The following RERE variants were observed in gnomAD, a reference collection of about 807,000 sequenced individuals.
RERE encodes the protein arginine-glutamic acid dipeptide repeats.
A neutral mutation model predicts 146.1 loss-of-function variants in RERE; 40 were observed. The ratio of observed to expected loss-of-function variants is 0.27; its 90% CI spans 0.21 to 0.36. The LOEUF (loss-of-function observed/expected upper bound fraction) is 0.36. Ranked by LOEUF, RERE falls within the 10% of genes least tolerant of loss-of-function variation. The pLI is 1.00. For synonymous variants in RERE, 1,003 were observed against 866.0 expected (o/e 1.16, Z -2.78); for missense variants, 1,933 against 2,138.7 (o/e 0.90, Z 1.90).
intron 1 of RERE, among the ~76,000 whole-genome samples, chr1:8,684,116 T>C (rs543417275): frequency 1.3e-5 from 2 of 152,306 alleles, no homozygotes; most frequent in East Asian, 1.9e-4. Context: ...CCTTAAATGA[T>C]TGCATTAAAA....
intron 4 of RERE, among the ~76,000 whole-genome samples, chr1:8,565,198 A>G (rs957077331): frequency 6.6e-6 from 1 of 152,050 alleles, no homozygotes; most frequent in Non-Finnish European, 1.5e-5. Flanking sequence ...GTACATTTCA[A>G]AATTGGTAAG....
At position 8,501,033 on chromosome 1, in the gene RERE, G is replaced by GC. The variant is rs1465859732; in HGVS notation, c.880-3505_880-3504insG. On this transcript the variant is annotated intron_variant, in intron 8 of 22. Transcript: ENST00000400908. ...GCCCGGCAGCCACCCCGTCCGGGAGGGGGGGGGGGGGTCAGCCCCCCGCCC... is the reference window on the plus strand; with the variant it reads ...GCCCGGCAGCCACCCCGTCCGGGAGGCGGGGGGGGGGGTCAGCCCCCCGCCC... Among the ~76,000 whole-genome samples the GC allele has an allele frequency of 3.4e-5, 4 of 118,108 alleles. 1 individual carries two copies. Among genetic ancestry groups the GC allele is most frequent in the Non-Finnish European group, 5.2e-5 (3 of 57,522 alleles). The allele number at this position is 118,108 out of a possible 152,430, so 77.5% of individuals were successfully genotyped here.
chr1:8,722,376 A>G (rs1271665598), intron 1 of RERE, among the ~76,000 whole-genome samples: 20 of 152,208 alleles, frequency 1.3e-4, no homozygotes, highest in Admixed American at 1.3e-3. Flanking sequence ...AGCGATACTA[A>G]TATTTATTGA....
intron 1 of RERE, among the ~76,000 whole-genome samples, chr1:8,726,747 TA>T (rs1639976803): frequency 6.6e-6 from 1 of 152,244 alleles, no homozygotes; most frequent in African/African-American, 2.4e-5. Context: ...TAATTAATTC[TA>T]ATCATAAGAC....
chr1:8,703,704 G>C (rs1033655317), intron 1 of RERE, among the ~76,000 whole-genome samples: 5 of 152,208 alleles, frequency 3.3e-5, no homozygotes, highest in Non-Finnish European at 7.3e-5. Flanking sequence ...GCGCATCCCT[G>C]TGAGTGATCA....
intron 15 of RERE, chr1:8,363,841 C>T (rs1175741091): frequency 1.7e-6 from 1 of 587,854 alleles, no homozygotes; most frequent in African/African-American, 1.9e-5. Flanking sequence ...GCTACAAAAC[C>T]CAGAGCAGGA....
chr1:8,575,383 C>CTTT (rs57789307), intron 4 of RERE, among the ~76,000 whole-genome samples: 1 of 135,502 alleles, frequency 7.4e-6, no homozygotes, highest in African/African-American at 2.7e-5. Context: ...AAAAAGTAAC[C>CTTT]TTTTTTTTTT....
At chr1:8,739,851 T>G (rs1047983461) in intron 1 of RERE, among the ~76,000 whole-genome samples, 1 of 149,430 alleles carries the variant, frequency 6.7e-6, no homozygotes, top group African/African-American at 2.4e-5. Context: ...ATATATTAAT[T>G]AATTATATTA....
intron 7 of RERE, among the ~76,000 whole-genome samples, chr1:8,515,052 T>C (rs181878844): frequency 6.6e-6 from 1 of 152,316 alleles, no homozygotes; most frequent in Admixed American, 6.5e-5. Context: ...TCACAGAAAT[T>C]CAGGTGTCTT....
Position 8,618,754 on chromosome 1 carries a change from G to A in RERE, c.397-4068C>T, listed in dbSNP as rs140590305. On this transcript the variant is annotated intron_variant, in intron 3 of 22. Transcript: ENST00000400908. Reference sequence around the variant, plus strand: ...ATGATATCTCCCAGCATCATCTATGGTCCTAATAAGACATAATTACTCATC... The same window carrying A: ...ATGATATCTCCCAGCATCATCTATGATCCTAATAAGACATAATTACTCATC... 8.1e-3 allele frequency among the ~76,000 whole-genome samples: 1,229 copies of A among 152,294 alleles called. 4 individuals are homozygous for A. The highest frequency in any genetic ancestry group is 0.013 in the Non-Finnish European group (906 of 68,018).
rs1344379861 is a variant in RERE at position 8,601,764 on chromosome 1, CACACACACACACAA to C, written c.522+12783_522+12796del. On this transcript the variant is annotated intron_variant, in intron 4 of 22. Transcript: ENST00000400908. ...ACACACACACACACACACACACACA[CACACACACACACAA>C]ACACACACACAGACACACATCTTCT... Among the ~76,000 whole-genome samples the C allele has an allele frequency of 4.6e-5, 7 of 151,184 alleles. No homozygotes were observed. In the South Asian group the frequency reaches 6.3e-4, roughly 14 times the overall value.
At chr1:8,663,150 T>C (rs763231717) in intron 1 of RERE, among the ~76,000 whole-genome samples, 1 of 152,082 alleles carries the variant, frequency 6.6e-6, no homozygotes, top group African/African-American at 2.4e-5. Flanking sequence ...TCATGGAGAA[T>C]TAACTACAAA....
intron 1 of RERE, among the ~76,000 whole-genome samples, chr1:8,813,663 G>A (rs1641857456): frequency 6.7e-6 from 1 of 148,550 alleles, no homozygotes; most frequent in Non-Finnish European, 1.5e-5. Flanking sequence ...CACCCAGGAT[G>A]GAGTACAGTG....
intron 12 of RERE, among the ~76,000 whole-genome samples, chr1:8,415,565 A>G (rs932397394): frequency 1.7e-4 from 26 of 152,266 alleles, no homozygotes; most frequent in Admixed American, 1.4e-3. Flanking sequence ...CAGGCTGTTT[A>G]CACTGAGAAC....
In RERE at chr1:8,354,933, ATG is replaced by A; in HGVS notation, c.*152_*153del. On this transcript the variant is annotated 3_prime_UTR_variant, in exon 23 of 23. Coordinates refer to ENST00000400908, the MANE Select transcript of RERE (RefSeq NM_001042681.2). ...ATCCTCTCGACAAACGAACACTACTATGTGGATACATTTTTAGTTGTGGGTTT... is the reference window on the plus strand; with the variant it reads ...ATCCTCTCGACAAACGAACACTACTATGGATACATTTTTAGTTGTGGGTTT... The A allele has an allele frequency of 1.5e-6, 1 of 658,920 alleles. No homozygotes were observed. The highest frequency in any genetic ancestry group is 2.6e-6 in the Non-Finnish European group (1 of 383,354). The allele number at this position is 658,920 out of a possible 1,614,324, so 40.8% of individuals were successfully genotyped here.
At chr1:8,444,822 A>G (rs1322804632) in intron 11 of RERE, among the ~76,000 whole-genome samples, 1 of 152,036 alleles carries the variant, frequency 6.6e-6, no homozygotes, top group African/African-American at 2.4e-5. Flanking sequence ...CGCCATAAGT[A>G]AAAGCTCCCT....
chr1:8,358,984 G>A (rs1641436163), intron 19 of RERE, 68 bp from the exon 20 acceptor site: 7 of 1,479,272 alleles, frequency 4.7e-6, no homozygotes, highest in East Asian at 2.4e-5. Flanking sequence ...TCCACACTGC[G>A]GAGGTGGGCC....
chr1:8,554,665 C>T (rs1186692367), intron 6 of RERE, among the ~76,000 whole-genome samples: 2 of 115,508 alleles, frequency 1.7e-5, no homozygotes, highest in Non-Finnish European at 3.3e-5. Context: ...GACAACAGAG[C>T]GAGATCCTGT....
intron 8 of RERE, among the ~76,000 whole-genome samples, chr1:8,507,245 T>C (rs1292058331): frequency 6.6e-6 from 1 of 152,200 alleles, no homozygotes; most frequent in African/African-American, 2.4e-5. Flanking sequence ...CTCTGTGCTC[T>C]AGCCTTGGCA....
Sources: gnomAD v4.1 joint callset for allele counts (sites outside exome capture counted in the v4.1 genomes callset) on GRCh38, gnomAD v4.1.1 for gene constraint, MANE v1.5 for transcripts, NCBI Gene and HGNC (gene_info 2026-07-23, HGNC 2026-07-21) for gene names.